Variants in MYH14 observed in about 807,000 individuals in gnomAD.
MYH14 encodes the protein myosin-14.
Under a neutral mutation model 255.5 loss-of-function variants are expected in MYH14, and 123 were observed. That is an observed-to-expected ratio of 0.48 (90% CI 0.42 to 0.56). MYH14 has a LOEUF of 0.56. Ranked by LOEUF, MYH14 falls within the 20% of genes least tolerant of loss-of-function variation. The pLI, the probability that MYH14 is intolerant of heterozygous loss-of-function variation, is 0.00. For synonymous variants in MYH14, 1,095 were observed against 1,161.2 expected (o/e 0.94, Z 1.16); for missense variants, 2,423 against 2,802.3 (o/e 0.86, Z 3.06).
chr19:50,230,401 C>A lies in MYH14; in HGVS notation c.875-124C>A. 3.7e-6 allele frequency: 3 copies of A among 816,686 alleles called. No individual in the cohort carries two copies. The highest frequency in any genetic ancestry group is 1.5e-5 in the South Asian group (1 of 65,150). 50.6% of individuals were successfully genotyped at this position (816,686 alleles called of 1,614,324 possible). On this transcript the variant is annotated intron_variant, in intron 8 of 42. Transcript: ENST00000642316. This position sits in a 1 kb window ranked among gnomAD's most constrained non-coding sequence, Gnocchi z 4.7. ...TTAGTGGCAAAGTCACCAGCCTGGG[C>A]TGTGAGCGACTCCACTACACCACAG... is the stretch of plus-strand genomic sequence containing the variant.
intron 22 of MYH14, among the ~76,000 whole-genome samples, chr19:50,264,055 C>CAAAAAAAAAAAA (rs34015428): frequency 1.5e-3 from 49 of 33,374 alleles, no homozygotes; most frequent in African/African-American, 6.0e-3. Context: ...AACTCTGTCT[C>CAAAAAAAAAAAA]AAAAAAAAAA....
At chr19:50,292,414 TG>T in intron 37 of MYH14, 25 bp downstream of exon 37, 1 of 1,536,108 alleles carries the variant, frequency 6.5e-7, no homozygotes, top group South Asian at 1.2e-5. Flanking sequence ...GGCTGGGCCC[TG>T]GGACAGGAAG....
chr19:50,215,133 TC>T, intron 2 of MYH14, among the ~76,000 whole-genome samples: 1 of 151,460 alleles, frequency 6.6e-6, no homozygotes, highest in East Asian at 2.0e-4. Context: ...CCTTTGTTCT[TC>T]CCCCCAGCCT....
intron 21 of MYH14, among the ~76,000 whole-genome samples, chr19:50,263,071 G>A (rs760052747): frequency 2.0e-5 from 3 of 152,038 alleles, no homozygotes; most frequent in African/African-American, 4.8e-5. Context: ...GTTGTGGCAC[G>A]CACCTGTAAT....
At position 50,307,133 on chromosome 19, in the gene MYH14, G is replaced by T; in HGVS notation, c.5763G>T (p.Arg1921Ser). Residue 1921 changes from arginine to serine, a missense_variant, in exon 41 of 43, where the codon AGG (arginine) becomes AGT (serine). This residue lies in a region of MYH14 where 1,513 missense variants were observed against 1,674.8 expected (regional missense o/e 0.90). Transcript: ENST00000642316. Reference sequence around the variant, plus strand: ...TGCTCCAGGTGGAGGAGGAGCGGAGGGTGGCTGACCAGCTCCGGGACCAGG... The same window carrying T: ...TGCTCCAGGTGGAGGAGGAGCGGAGTGTGGCTGACCAGCTCCGGGACCAGG... Reference protein sequence around the residue: ...EVVLQVEEERRVADQLRDQLE... With the variant: ...EVVLQVEEERSVADQLRDQLE... 6.5e-7 allele frequency: 1 copy of T among 1,549,270 alleles called. No individual in the cohort carries two copies. Among genetic ancestry groups the T allele is most frequent in the Non-Finnish European group, 8.7e-7 (1 of 1,146,366 alleles).
At chr19:50,246,622 C>CAAACAAAACA (rs548519015) in intron 11 of MYH14, among the ~76,000 whole-genome samples, 10,838 of 148,334 alleles carry the variant, frequency 0.073, 1,124 homozygotes, top group African/African-American at 0.24. Flanking sequence ...AACTCTGTCT[C>CAAACAAAACA]AAACAAAACA....
chr19:50,246,434 C>A (rs898334498), intron 11 of MYH14, among the ~76,000 whole-genome samples: 1 of 152,066 alleles, frequency 6.6e-6, no homozygotes, highest in Non-Finnish European at 1.5e-5. Context: ...GCGTGAGCCA[C>A]CGTGCCCCGC....
chr19:50,260,836 C>G, intron 20 of MYH14, 121 bp downstream of exon 20: 1 of 723,148 alleles, frequency 1.4e-6, no homozygotes, highest in African/African-American at 2.0e-5. Flanking sequence ...TGTGTGCATG[C>G]ACGTGTGTGC....
rs778739770 is a variant in MYH14, at chr19:50,273,290, C to CAA, written c.3467+584_3467+585dup. Reference sequence around the variant, plus strand: ...TGGGCAACAGAGCAAGACTATGTCTCAAAAAAAAAAAAAAAAAAAAAAAAA... The same window carrying CAA: ...TGGGCAACAGAGCAAGACTATGTCTCAAAAAAAAAAAAAAAAAAAAAAAAAAA... On this transcript the variant is annotated intron_variant, in intron 27 of 42. Coordinates refer to ENST00000642316, the MANE Select transcript of MYH14 (RefSeq NM_001145809.2). Among the ~76,000 whole-genome samples the CAA allele has an allele frequency of 2.2e-3, 170 of 78,586 alleles. 3 individuals carry two copies. Among genetic ancestry groups the CAA allele is most frequent in the East Asian group, 5.6e-3 (10 of 1,778 alleles). The allele number at this position is 78,586 out of a possible 152,430, so 51.6% of individuals were successfully genotyped here.
chr19:50,233,824 C>A (rs1285554759), intron 10 of MYH14, among the ~76,000 whole-genome samples: 1 of 69,766 alleles, frequency 1.4e-5, no homozygotes, highest in African/African-American at 5.1e-5. Context: ...CCGACCCCCC[C>A]GCCCCAACCT....
intron 39 of MYH14, among the ~76,000 whole-genome samples, chr19:50,298,096 G>A (rs2036343391): frequency 6.6e-6 from 1 of 152,094 alleles, no homozygotes; most frequent in South Asian, 2.1e-4. Flanking sequence ...GGCCTTTTAT[G>A]GAGACGTCAC....
At chr19:50,219,296 T>C (rs953345048) in intron 3 of MYH14, among the ~76,000 whole-genome samples, 2 of 151,812 alleles carry the variant, frequency 1.3e-5, no homozygotes, top group African/African-American at 2.4e-5. Flanking sequence ...TCTGGGTGGA[T>C]ACCCCAGAGT....
chr19:50,213,371 G>T (rs890175918), intron 2 of MYH14, among the ~76,000 whole-genome samples: 23 of 152,196 alleles, frequency 1.5e-4, no homozygotes, highest in Admixed American at 2.6e-4. Context: ...TTGAACATAA[G>T]CCCCACAACT....
In MYH14 at chr19:50,268,197, C is replaced by T. The variant is rs1452059089; in HGVS notation, c.2863C>T (p.Arg955Ter). 1 of 1,553,742 alleles carries T rather than the reference C, an allele frequency of 6.4e-7. No homozygotes were observed. Among genetic ancestry groups the T allele is most frequent in the South Asian group, 1.2e-5 (1 of 84,220 alleles). ...GCGCGCCCGCCTGGCAGAGCAATTGCGAGCAGAGGCAGAACTGTGTGCAGA... is the reference window on the plus strand; with the variant it reads ...GCGCGCCCGCCTGGCAGAGCAATTGTGAGCAGAGGCAGAACTGTGTGCAGA... Reference protein sequence around the residue: ...EERARLAEQLRAEAELCAEAE... With the variant: ...EERARLAEQL The change falls in exon 24 of 43, where the codon CGA becomes TGA. Residue 955 changes from arginine (R) to a stop codon, truncating the protein, a stop_gained. Transcript: ENST00000642316. LOFTEE classifies it high-confidence loss of function.
intron 6 of MYH14, 127 bp from the exon 7 acceptor site, chr19:50,225,458 C>T (rs564720861): frequency 5.0e-5 from 34 of 679,206 alleles, no homozygotes; most frequent in African/African-American, 2.5e-4. Context: ...AGTGGGTACA[C>T]GCCCAGACAC....
rs5828429 is a variant in MYH14, at chr19:50,278,537, G to GA, written c.4032+259dup. ...GCAACATAGTGAGACCCCATCTTCAGAAAAAAAAAAATTTTAATTAGCCAG... is the reference window on the plus strand; with the variant it reads ...GCAACATAGTGAGACCCCATCTTCAGAAAAAAAAAAAATTTTAATTAGCCAG... On this transcript the variant is annotated intron_variant, in intron 30 of 42. Coordinates refer to ENST00000642316, the MANE Select transcript of MYH14 (RefSeq NM_001145809.2). 0.19 allele frequency among the ~76,000 whole-genome samples: 27,565 copies of GA among 148,514 alleles called. 2,627 individuals are homozygous for GA. Among genetic ancestry groups the GA allele is most frequent in the South Asian group, 0.32 (1,502 of 4,722 alleles).
intron 10 of MYH14, among the ~76,000 whole-genome samples, chr19:50,241,149 AG>A (rs1236853170): frequency 6.6e-6 from 1 of 152,070 alleles, no homozygotes; most frequent in Non-Finnish European, 1.5e-5. Flanking sequence ...TGAAAGCATC[AG>A]ATGCAGCCAG....
Position 50,210,496 on chromosome 19 carries a change from C to G in MYH14, c.131C>G (p.Thr44Ser). 6.4e-7 allele frequency: 1 copy of G among 1,560,866 alleles called. No individual in the cohort carries two copies. Among genetic ancestry groups the G allele is most frequent in the Non-Finnish European group, 8.7e-7 (1 of 1,154,660 alleles). The change falls in exon 2 of 43, where the codon ACC becomes AGC. Residue 44 changes from threonine (T) to serine (S), a missense_variant. Thr to Ser is a moderately conservative substitution (Grantham distance 58). Around this residue, in one of 3 missense-constraint regions of MYH14, gnomAD observed 238 missense variants for 245.8 expected, o/e 0.97. Transcript: ENST00000642316. ...PSAGGGPGSG[T>S]SPQVEWTARR... ...GCGGGTGGCGGGCCTGGCTCGGGCA[C>G]CTCCCCGCAGGTGGAGTGGACGGCC...
At chr19:50,216,966 C>T (rs937886568) in intron 2 of MYH14, among the ~76,000 whole-genome samples, 2 of 119,486 alleles carry the variant, frequency 1.7e-5, no homozygotes, top group Admixed American at 8.5e-5. Context: ...TGTCACCACA[C>T]CTGGCTAATT....
Sources: allele counts gnomAD v4.1 joint callset (sites outside exome capture counted in the v4.1 genomes callset), GRCh38; gene constraint gnomAD v4.1.1; regional missense constraint gnomAD v4.1.1; non-coding constraint Gnocchi (gnomAD v3.1); transcripts MANE v1.5; gene names NCBI Gene and HGNC (gene_info 2026-07-23, HGNC 2026-07-21).